The following MAMLD1 variants were observed in gnomAD, a reference collection of about 807,000 sequenced individuals.
The protein encoded by MAMLD1 is mastermind like domain containing 1.
Under a neutral mutation model 45.0 loss-of-function variants are expected in MAMLD1, and 14 were observed. That is an observed-to-expected ratio of 0.31 (90% CI 0.21 to 0.49). The LOEUF (loss-of-function observed/expected upper bound fraction) is 0.49. Among genes scored for constraint, MAMLD1 ranks in the 20% least tolerant of loss-of-function variants. MAMLD1 has a pLI of 0.99. For missense variants in MAMLD1, 543 were observed against 603.6 expected (o/e 0.90, Z 1.05); for synonymous variants, 254 against 247.8 (o/e 1.02, Z -0.24).
At chrX:150,407,961 C>G (rs1468642451) in intron 1 of MAMLD1, among the ~76,000 whole-genome samples, 1 of 111,711 alleles carries the variant, frequency 9.0e-6, no homozygotes, top group African/African-American at 3.3e-5. Flanking sequence ...TTTGCTGGCT[C>G]TATGATCCCA....
At position 150,471,399 on chromosome X, in the gene MAMLD1, A is replaced by G. The variant is rs782265497; in HGVS notation, c.1826A>G (p.His609Arg). The change falls in exon 4 of 8, where the codon CAT becomes CGT. Residue 609 changes from histidine (H) to arginine (R), a missense_variant. Coordinates refer to ENST00000370401, the MANE Select transcript of MAMLD1 (RefSeq NM_005491.5). ...QQQQQQQQPD[H>R]SSFLLQQMMQ... ...CAGCAACAGCAGCAGCAGCCTGACC[A>G]TTCTTCATTCCTTCTGCAGCAGATG... is the stretch of plus-strand genomic sequence containing the variant. 1.7e-6 allele frequency: 2 copies of G among 1,210,434 alleles called. No homozygotes were observed. The highest frequency in any genetic ancestry group is 3.0e-5 in the East Asian group (1 of 33,770).
intron 2 of MAMLD1, among the ~76,000 whole-genome samples, chrX:150,458,508 T>C (rs190219382): frequency 1.1e-4 from 12 of 111,792 alleles, no homozygotes; most frequent in African/African-American, 3.9e-4. Context: ...TTTAATTTTA[T>C]ATTCTGTTTC....
chrX:150,488,947 A>G (rs1012049920), intron 5 of MAMLD1, among the ~76,000 whole-genome samples: 2 of 113,258 alleles, frequency 1.8e-5, no homozygotes, highest in Non-Finnish European at 3.7e-5. Context: ...AGAGGACTCA[A>G]CTGAATCCCC....
At chrX:150,435,447 G>C (rs1408167730) in intron 1 of MAMLD1, among the ~76,000 whole-genome samples, 1 of 111,718 alleles carries the variant, frequency 9.0e-6, no homozygotes, top group Non-Finnish European at 1.9e-5. Flanking sequence ...CTGGGAGGTG[G>C]AGGTTGCAAT....
intron 1 of MAMLD1, among the ~76,000 whole-genome samples, chrX:150,432,925 AT>A (rs201011693): frequency 4.6e-5 from 5 of 109,024 alleles, no homozygotes; most frequent in Non-Finnish European, 9.6e-5. Flanking sequence ...TATGAATTTT[AT>A]TTTTTTTTCT....
intron 1 of MAMLD1, among the ~76,000 whole-genome samples, chrX:150,376,470 G>T (rs1235481196): frequency 9.0e-6 from 1 of 111,056 alleles, no homozygotes; most frequent in Admixed American, 9.6e-5. Flanking sequence ...CTGGCAAGCT[G>T]CTAGGAGCTG....
chrX:150,362,897 C>G (rs1412530525), upstream of MAMLD1: 1 of 112,977 alleles, frequency 8.9e-6, no homozygotes, highest in African/African-American at 3.2e-5. Flanking sequence ...GTGAGTGCAC[C>G]GATGCCCCTT....
At chrX:150,497,825 T>C (rs2037434583) in intron 5 of MAMLD1, among the ~76,000 whole-genome samples, 2 of 111,920 alleles carry the variant, frequency 1.8e-5, no homozygotes, top group South Asian at 7.5e-4. Flanking sequence ...ACTTGGGCAC[T>C]TTGATCACAC....
intron 6 of MAMLD1, chrX:150,509,349 G>C (rs1191669060): frequency 2.6e-5 from 3 of 114,217 alleles, no homozygotes; most frequent in African/African-American, 9.7e-5. Flanking sequence ...CAGAGGCTAG[G>C]TATCCACCAC....
intron 2 of MAMLD1, among the ~76,000 whole-genome samples, chrX:150,446,490 G>C: frequency 8.9e-6 from 1 of 112,358 alleles, no homozygotes; most frequent in Non-Finnish European, 1.9e-5. Flanking sequence ...CTTTCAGCAA[G>C]TCAGCTTTCA....
intron 1 of MAMLD1, among the ~76,000 whole-genome samples, chrX:150,390,900 T>C (rs1455665965): frequency 1.8e-5 from 2 of 112,178 alleles, no homozygotes; most frequent in African/African-American, 6.5e-5. Context: ...ATACCTTTAT[T>C]TCCCCTTCAT....
chrX:150,365,611 C>G (rs1348045144), intron 1 of MAMLD1, among the ~76,000 whole-genome samples: 1 of 113,370 alleles, frequency 8.8e-6, no homozygotes, highest in Non-Finnish European at 1.9e-5. Flanking sequence ...AAGACGGAGG[C>G]GGCAGCTCGG....
intron 5 of MAMLD1, among the ~76,000 whole-genome samples, chrX:150,477,788 A>G (rs1557406923): frequency 8.9e-6 from 1 of 111,912 alleles, no homozygotes; most frequent in Non-Finnish European, 1.9e-5. Flanking sequence ...GCCAGCGTGG[A>G]TCTGACCCCA....
At chrX:150,456,510 A>C (rs2266831) in intron 2 of MAMLD1, among the ~76,000 whole-genome samples, 3 of 110,419 alleles carry the variant, frequency 2.7e-5, no homozygotes, top group Non-Finnish European at 3.8e-5. Flanking sequence ...CTAGAAAAGC[A>C]CAACATCCTG....
chrX:150,366,443 C>T (rs1380854217), intron 1 of MAMLD1, among the ~76,000 whole-genome samples: 1 of 112,024 alleles, frequency 8.9e-6, no homozygotes, highest in Non-Finnish European at 1.9e-5. Flanking sequence ...GCCTTCTCCT[C>T]CCTCCTTTGT....
intron 5 of MAMLD1, among the ~76,000 whole-genome samples, chrX:150,487,149 C>A (rs972734300): frequency 9.0e-6 from 1 of 111,359 alleles, no homozygotes; most frequent in Non-Finnish European, 1.9e-5. Flanking sequence ...CTTTGAGAAC[C>A]TCTGATTTAG....
chrX:150,395,350 T>G (rs929096731), intron 1 of MAMLD1, among the ~76,000 whole-genome samples: 2 of 111,458 alleles, frequency 1.8e-5, no homozygotes, highest in Non-Finnish European at 3.8e-5. Context: ...TCATTGAACA[T>G]TTTTCCATCT....
intron 1 of MAMLD1, among the ~76,000 whole-genome samples, chrX:150,382,671 A>G (rs1009951362): frequency 6.3e-5 from 7 of 111,044 alleles, no homozygotes; most frequent in African/African-American, 2.3e-4. Context: ...GGTGTTTATT[A>G]TTATTTCTAT....
chrX:150,473,054 C>G (rs2036477327), intron 4 of MAMLD1, among the ~76,000 whole-genome samples: 1 of 112,694 alleles, frequency 8.9e-6, no homozygotes, highest in African/African-American at 3.2e-5. Context: ...CCCCAGAGGC[C>G]CATAAGCTGG....
Sources: allele counts gnomAD v4.1 joint callset (sites outside exome capture counted in the v4.1 genomes callset), GRCh38; gene constraint gnomAD v4.1.1; transcripts MANE v1.5; gene names NCBI Gene and HGNC (gene_info 2026-07-23, HGNC 2026-07-21).